The following XKR4 variants were observed in gnomAD, a reference collection of about 807,000 sequenced individuals.
XKR4 encodes the protein XK related 4.
In XKR4, 12 loss-of-function variants were observed where a neutral mutation model predicts 53.9. The ratio of observed to expected loss-of-function variants is 0.22; its 90% confidence interval spans 0.14 to 0.36. The LOEUF (loss-of-function observed/expected upper bound fraction) is 0.36, where lower values mean the gene tolerates loss of function less well. Ranked by LOEUF, XKR4 falls within the 10% of genes least tolerant of loss-of-function variation. XKR4 has a pLI of 1.00. For synonymous variants in XKR4, 354 were observed against 362.4 expected (o/e 0.98, Z 0.26); for missense variants, 799 against 859.5 (o/e 0.93, Z 0.88).
intron 1 of XKR4, among the ~76,000 whole-genome samples, chr8:55,287,299 T>G (rs1818921023): frequency 6.6e-6 from 1 of 152,118 alleles, no homozygotes; most frequent in African/African-American, 2.4e-5. Flanking sequence ...TGCTGGAGAA[T>G]TTGAAAAAAG....
Position 55,524,434 on chromosome 8 carries a change from A to C in XKR4, c.*207A>C. 1 of 593,774 alleles carries C rather than the reference A, an allele frequency of 1.7e-6. No individual in the cohort carries two copies. Among genetic ancestry groups the C allele is most frequent in the East Asian group, 2.8e-5 (1 of 35,510 alleles). The allele number at this position is 593,774 out of a possible 1,614,324, so 36.8% of individuals were successfully genotyped here. Reference sequence around the variant, plus strand: ...ACCCGAGAGTCTCTGACTCCACCTGAAAGAATGACGCTGGCTTAATAGGAC... The same window carrying C: ...ACCCGAGAGTCTCTGACTCCACCTGCAAGAATGACGCTGGCTTAATAGGAC... On this transcript the variant is annotated 3_prime_UTR_variant, in exon 3 of 3. Transcript: ENST00000327381.
intron 2 of XKR4, among the ~76,000 whole-genome samples, chr8:55,520,521 G>A (rs1310541995): frequency 6.6e-6 from 1 of 152,188 alleles, no homozygotes; most frequent in Non-Finnish European, 1.5e-5. Flanking sequence ...AGGAGGTGAC[G>A]GCTACAGTAA....
At chr8:55,405,576 G>A (rs1804668968) in intron 2 of XKR4, among the ~76,000 whole-genome samples, 1 of 152,194 alleles carries the variant, frequency 6.6e-6, no homozygotes, top group African/African-American at 2.4e-5. Context: ...TTGACTCTAA[G>A]CAGGGAACAG....
At chr8:55,190,373 A>T (rs1193572768) in intron 1 of XKR4, among the ~76,000 whole-genome samples, 4 of 152,248 alleles carry the variant, frequency 2.6e-5, no homozygotes, top group African/African-American at 9.6e-5. Context: ...CTCTATGATT[A>T]GAAAAAGAAA....
At chr8:55,272,875 TTTCCTCTAATAAATTA>T in intron 1 of XKR4, 1 of 450,466 alleles carries the variant, frequency 2.2e-6, no homozygotes, top group South Asian at 1.6e-5. Flanking sequence ...AATGACTTCC[TTTCCTCTAATAAATTA>T]TTCATGTCTG....
At chr8:55,382,742 A>C (rs1804253628) in intron 2 of XKR4, among the ~76,000 whole-genome samples, 1 of 152,218 alleles carries the variant, frequency 6.6e-6, no homozygotes, top group Non-Finnish European at 1.5e-5. Context: ...TCCATTTATC[A>C]ATACTTGATT....
At chr8:55,444,820 A>G (rs1563351493) in intron 2 of XKR4, among the ~76,000 whole-genome samples, 1 of 152,220 alleles carries the variant, frequency 6.6e-6, no homozygotes, top group Non-Finnish European at 1.5e-5. Context: ...AAAACTCAGC[A>G]ATTCTTTTTC....
intron 1 of XKR4, among the ~76,000 whole-genome samples, chr8:55,332,135 G>T (rs946667703): frequency 2.0e-5 from 3 of 151,768 alleles, no homozygotes; most frequent in African/African-American, 7.3e-5. Flanking sequence ...GGTTACCATA[G>T]GGATTACATA....
intron 1 of XKR4, among the ~76,000 whole-genome samples, chr8:55,333,784 C>T (rs112294406): frequency 2.0e-5 from 3 of 152,254 alleles, no homozygotes; most frequent in African/African-American, 7.2e-5. Context: ...CTGATTCACA[C>T]TCCTGGTTTG....
chr8:55,445,858 G>T (rs184509208), intron 2 of XKR4, among the ~76,000 whole-genome samples: 1 of 152,212 alleles, frequency 6.6e-6, no homozygotes, highest in Non-Finnish European at 1.5e-5. Context: ...ATGTACACAG[G>T]TGTTCAGTAC....
At chr8:55,266,068 G>A (rs566767255) in intron 1 of XKR4, among the ~76,000 whole-genome samples, 5 of 152,026 alleles carry the variant, frequency 3.3e-5, no homozygotes, top group Admixed American at 3.3e-4. Context: ...TGAGGTGGGA[G>A]GATTGCTTGA....
intron 1 of XKR4, among the ~76,000 whole-genome samples, chr8:55,311,020 A>G (rs1819380154): frequency 2.0e-5 from 3 of 152,130 alleles, no homozygotes; most frequent in African/African-American, 7.2e-5. Context: ...GGCAGTCCAC[A>G]CTCGCATGAA....
intron 2 of XKR4, among the ~76,000 whole-genome samples, chr8:55,404,270 G>T (rs1804654465): frequency 6.9e-6 from 1 of 144,420 alleles, no homozygotes; most frequent in African/African-American, 2.6e-5. Context: ...ACAGATGACA[G>T]ATAGATAGGT....
intron 1 of XKR4, among the ~76,000 whole-genome samples, chr8:55,150,805 G>A (rs1358604683): frequency 6.6e-6 from 1 of 152,094 alleles, no homozygotes; most frequent in Non-Finnish European, 1.5e-5. Flanking sequence ...CTTTCTCATG[G>A]TGGTCTCCAC....
At chr8:55,514,636 A>G (rs573560099) in intron 2 of XKR4, among the ~76,000 whole-genome samples, 1 of 152,158 alleles carries the variant, frequency 6.6e-6, no homozygotes, top group East Asian at 1.9e-4. Flanking sequence ...TTCCCTCTTC[A>G]TTTCTCGCCT....
intron 2 of XKR4, among the ~76,000 whole-genome samples, chr8:55,424,372 G>A (rs180959491): frequency 6.6e-6 from 1 of 152,280 alleles, no homozygotes; most frequent in African/African-American, 2.4e-5. Context: ...TGGACTTAAC[G>A]CTTTCTAGAC....
chr8:55,193,162 C>T (rs942928374), intron 1 of XKR4, among the ~76,000 whole-genome samples: 24 of 151,452 alleles, frequency 1.6e-4, no homozygotes, highest in African/African-American at 4.4e-4. Context: ...CCCCATTACC[C>T]GTCGAACTGT....
At chr8:55,354,904 ATT>A (rs772993526) in intron 1 of XKR4, among the ~76,000 whole-genome samples, 13 of 142,580 alleles carry the variant, frequency 9.1e-5, no homozygotes, top group East Asian at 2.0e-4. Context: ...TCAGTATAGA[ATT>A]TTTTTTTTTT....
At chr8:55,480,446 T>C (rs556384641) in intron 2 of XKR4, among the ~76,000 whole-genome samples, 243 of 152,316 alleles carry the variant, frequency 1.6e-3, no homozygotes, top group African/African-American at 5.5e-3. Flanking sequence ...GCCAATATCA[T>C]ACTGAATGGG....
Sources: gnomAD v4.1 joint callset for allele counts (sites outside exome capture counted in the v4.1 genomes callset) on GRCh38, gnomAD v4.1.1 for gene constraint, MANE v1.5 for transcripts, NCBI Gene and HGNC (gene_info 2026-07-23, HGNC 2026-07-21) for gene names.